The following IRX3 variants were observed in gnomAD, a reference collection of about 807,000 sequenced individuals.
IRX3 encodes iroquois-class homeodomain protein IRX-3.
In IRX3, 20 loss-of-function variants were observed where a neutral mutation model predicts 36.4. The observed-to-expected ratio is 0.55, with a 90% CI of 0.39 to 0.80. IRX3 has a LOEUF of 0.80. IRX3 is among the 30% of genes least tolerant of loss of function. The pLI, the probability that IRX3 is intolerant of heterozygous loss-of-function variation, is 0.00. For missense variants in IRX3, 718 were observed against 733.2 expected (o/e 0.98, Z 0.24); for synonymous variants, 404 against 351.6 (o/e 1.15, Z -1.67).
chr16:54,284,546 C>T lies in IRX3; in HGVS notation c.1335G>A (p.Pro445=), dbSNP rs377057907. 4.2e-5 allele frequency: 60 copies of T among 1,417,884 alleles called. No homozygotes were observed. The highest frequency in any genetic ancestry group is 5.0e-4 in the Middle Eastern group (2 of 3,996). The allele number at this position is 1,417,884 out of a possible 1,614,324, so 87.8% of individuals were successfully genotyped here. The change falls in exon 2 of 4, where the codon CCG becomes CCA. Residue 445 remains proline, a synonymous_variant. Transcript: ENST00000329734. The surrounding 1 kb of genome is among the most constrained non-coding windows in gnomAD (Gnocchi z 4.0). ...LLGLPGAAGH[P]AAAAAFARPA... ...GCCGAGCGAAGGCGGCGGCGGCAGC[C>T]GGGTGGCCCGCGGCTCCGGGAAGTC...
At position 54,285,092 on chromosome 16, in the gene IRX3, G is replaced by A. The variant is rs1328913261; in HGVS notation, c.789C>T (p.Ala263=). The change falls in exon 2 of 4, where the codon GCC becomes GCT. Residue 263 remains alanine (A), a synonymous_variant. Transcript: ENST00000329734. This position sits in a 1 kb window ranked among gnomAD's most constrained non-coding sequence, Gnocchi z 5.7. ...CAGCCAGGGACAGCTCAGGCTCGGT[G>A]GCCGCGCCGTCTAAGTTCTCCAAAT... ...EIDLENLDGA[A]TEPELSLAGA... The A allele has an allele frequency of 6.2e-7, 1 of 1,613,902 alleles. No homozygotes were observed. Among genetic ancestry groups the A allele is most frequent in the East Asian group, 2.2e-5 (1 of 44,826 alleles).
In IRX3 at chr16:54,285,863, G is replaced by A. The variant is rs566773503; in HGVS notation, c.188C>T (p.Ala63Val). The change falls in exon 1 of 4, where the codon GCG becomes GTG. Residue 63 changes from alanine (A) to valine (V), a missense_variant. Physicochemically the swap from Ala to Val is moderately conservative, Grantham distance 64. This residue lies in a region of IRX3 where 204 missense variants were observed against 181.4 expected (regional missense o/e 1.12). Coordinates refer to ENST00000329734, the MANE Select transcript of IRX3 (RefSeq NM_024336.3). The surrounding 1 kb of genome is among the most constrained non-coding windows in gnomAD (Gnocchi z 5.7). Reference sequence around the variant, plus strand: ...TTGGGCGGCGGCGGCCGCAGCGGCCGCGGCGTAGGGCGCCCCGTACACGGA... The same window carrying A: ...TTGGGCGGCGGCGGCCGCAGCGGCCACGGCGTAGGGCGCCCCGTACACGGA... ...LSSVYGAPYA[A>V]AAAAAAAQGY... is the part of the protein sequence containing the mutation. 5.2e-6 allele frequency: 8 copies of A among 1,540,966 alleles called. No homozygotes were observed. The highest frequency in any genetic ancestry group is 7.0e-6 in the Non-Finnish European group (8 of 1,145,660).
At position 54,283,953 on chromosome 16, in the gene IRX3, G is replaced by C. The variant is rs1901241697; in HGVS notation, c.1452-213C>G. On this transcript the variant is annotated intron_variant, in intron 3 of 3. Coordinates refer to ENST00000329734, the MANE Select transcript of IRX3 (RefSeq NM_024336.3). This position sits in a 1 kb window ranked among gnomAD's most constrained non-coding sequence, Gnocchi z 4.4. ...GGTCTGGGGCTGGAAAGAGGTGGGC[G>C]TCAGAGAACCGCCACCCGCCCCAGG... is the stretch of plus-strand genomic sequence containing the variant. The C allele has an allele frequency of 4.1e-6, 4 of 985,394 alleles. No homozygotes were observed. The highest frequency in any genetic ancestry group is 4.8e-6 in the Non-Finnish European group (4 of 829,902). The allele number at this position is 985,394 out of a possible 1,614,324, so 61.0% of individuals were successfully genotyped here.
In IRX3 at chr16:54,285,705, T is replaced by C; in HGVS notation, c.267+79A>G. On this transcript the variant is annotated intron_variant, in intron 1 of 3. Coordinates refer to ENST00000329734, the MANE Select transcript of IRX3 (RefSeq NM_024336.3). The surrounding 1 kb of genome is among the most constrained non-coding windows in gnomAD (Gnocchi z 5.7). ...CCTCCCCCCTCCTGGCCTGCACCCC[T>C]CTAGTCCGGCCCCCGCGCGCTCAGC... The C allele has an allele frequency of 6.8e-7, 1 of 1,462,902 alleles. No individual in the cohort carries two copies. Among genetic ancestry groups the C allele is most frequent in the Non-Finnish European group, 9.0e-7 (1 of 1,114,972 alleles). 90.6% of individuals were successfully genotyped at this position (1,462,902 alleles called of 1,614,324 possible).
chr16:54,284,309 C>G lies in IRX3; in HGVS notation c.1388G>C (p.Arg463Pro). 1.2e-6 allele frequency: 2 copies of G among 1,607,024 alleles called. No homozygotes were observed. Among genetic ancestry groups the G allele is most frequent in the Non-Finnish European group, 1.7e-6 (2 of 1,176,966 alleles). Reference protein sequence around the residue: ...RPAEPEGGTDRCSALEVEKKL... With the variant: ...RPAEPEGGTDPCSALEVEKKL... ...TTTCTCCACTTCCAAGGCACTACAGCGATCTAAGGGAAGCGGGGGAAGAAA... is the reference window on the plus strand; with the variant it reads ...TTTCTCCACTTCCAAGGCACTACAGGGATCTAAGGGAAGCGGGGGAAGAAA... Residue 463 changes from arginine (R) to proline (P), a missense_variant, in exon 3 of 4, where the codon CGC (arginine) becomes CCC (proline). Arg to Pro is a moderately radical substitution (Grantham distance 103). This residue lies in a region of IRX3 where 468 missense variants were observed against 462.1 expected (regional missense o/e 1.01). Transcript: ENST00000329734. The surrounding 1 kb of genome is among the most constrained non-coding windows in gnomAD (Gnocchi z 4.0).
In IRX3 at chr16:54,285,406, C is replaced by T; in HGVS notation, c.475G>A (p.Glu159Lys). 1 of 1,614,164 alleles carries T rather than the reference C, an allele frequency of 6.2e-7. No individual in the cohort carries two copies. Among genetic ancestry groups the T allele is most frequent in the Non-Finnish European group, 8.5e-7 (1 of 1,180,040 alleles). ...HRKNPYPTKG[E>K]KIMLAIITKM... is the part of the protein sequence containing the mutation. ...GTGATGATGGCCAGCATGATCTTCT[C>T]GCCCTTGGTGGGGTAGGGGTTCTTG... Residue 159 changes from glutamate (E) to lysine (K), a missense_variant, in exon 2 of 4, where the codon GAG becomes AAG. Physicochemically the swap from Glu to Lys is moderately conservative, Grantham distance 56 (BLOSUM62 1). This residue lies in a region of IRX3 where 46 missense variants were observed against 89.7 expected (regional missense o/e 0.51). Coordinates refer to ENST00000329734, the MANE Select transcript of IRX3 (RefSeq NM_024336.3). This position sits in a 1 kb window ranked among gnomAD's most constrained non-coding sequence, Gnocchi z 5.7.
rs767158835 is a variant in IRX3, at chr16:54,285,098, G to T, written c.783C>A (p.Gly261=). ...DEEIDLENLD[G]AATEPELSLA... ...GGGACAGCTCAGGCTCGGTGGCCGC[G>T]CCGTCTAAGTTCTCCAAATCGATCT... Residue 261 remains glycine (G), a synonymous_variant, in exon 2 of 4, where the codon GGC becomes GGA. Coordinates refer to ENST00000329734, the MANE Select transcript of IRX3 (RefSeq NM_024336.3). The surrounding 1 kb of genome is among the most constrained non-coding windows in gnomAD (Gnocchi z 5.7). 2.5e-6 allele frequency: 4 copies of T among 1,613,350 alleles called. No homozygotes were observed. Among genetic ancestry groups the T allele is most frequent in the Non-Finnish European group, 3.4e-6 (4 of 1,179,884 alleles).
chr16:54,285,657 C>A lies in IRX3; in HGVS notation c.268-44G>T, dbSNP rs1246660112. 6.8e-7 allele frequency: 1 copy of A among 1,474,470 alleles called. No individual in the cohort carries two copies. The highest frequency in any genetic ancestry group is 2.5e-5 in the East Asian group (1 of 40,484). 91.3% of individuals were successfully genotyped at this position (1,474,470 alleles called of 1,614,324 possible). A position where few individuals can be genotyped will look rare whatever the true frequency, so the allele number is the denominator to read the frequency against. ...GGAAGGGACACGCGCGGAGGGAGCG[C>A]GAGTGAGCCCCAGCCATCGCTGCCT... On this transcript the variant is annotated intron_variant, in intron 1 of 3. Coordinates refer to ENST00000329734, the MANE Select transcript of IRX3 (RefSeq NM_024336.3). The surrounding 1 kb of genome is among the most constrained non-coding windows in gnomAD (Gnocchi z 5.7).
Position 54,284,431 on chromosome 16 carries a change from T to A in IRX3, c.1384+66A>T. The A allele has an allele frequency of 2.8e-6, 4 of 1,412,432 alleles. No homozygotes were observed. The highest frequency in any genetic ancestry group is 3.7e-6 in the Non-Finnish European group (4 of 1,091,212). The allele number at this position is 1,412,432 out of a possible 1,614,324, so 87.5% of individuals were successfully genotyped here. On this transcript the variant is annotated intron_variant, in intron 2 of 3. Coordinates refer to ENST00000329734, the MANE Select transcript of IRX3 (RefSeq NM_024336.3). This position sits in a 1 kb window ranked among gnomAD's most constrained non-coding sequence, Gnocchi z 4.0. ...CCCTGCGCCCCCCGGGCCCTGCCCC[T>A]CCCGGCCAGCTCCGGCACTACCCGC...
Position 54,285,821 on chromosome 16 carries a change from A to T in IRX3, c.230T>A (p.Leu77Gln), listed in dbSNP as rs1186456452. ...GATGGGCAGCTCCGCGGCGTAGGGC[A>T]GGAAGGCGCCGTAGCCTTGGGCGGC... ...AAAAQGYGAF[L>Q]PYAAELPIFP... The change falls in exon 1 of 4, where the codon CTG becomes CAG. Residue 77 changes from leucine to glutamine, a missense_variant. Leu to Gln is a moderately radical substitution (Grantham distance 113, BLOSUM62 -2). This residue lies in a region of IRX3 where 204 missense variants were observed against 181.4 expected (regional missense o/e 1.12). Transcript: ENST00000329734. The surrounding 1 kb of genome is among the most constrained non-coding windows in gnomAD (Gnocchi z 5.7). The T allele has an allele frequency of 1.1e-5, 17 of 1,565,708 alleles. No individual in the cohort carries two copies. Among genetic ancestry groups the T allele is most frequent in the Non-Finnish European group, 1.4e-5 (16 of 1,160,868 alleles).
chr16:54,285,167 C>G lies in IRX3; in HGVS notation c.714G>C (p.Glu238Asp), dbSNP rs1901293345. The G allele has an allele frequency of 4.4e-6, 7 of 1,603,248 alleles. No homozygotes were observed. Among genetic ancestry groups the G allele is most frequent in the Non-Finnish European group, 6.0e-6 (7 of 1,174,652 alleles). ...CAGCCAGGCCCTCGCCCCCCGTGTC[C>G]TCCTCCTCCCCCCCGAGCTCCTCCT... ...LEEEELGGEE[E>D]DTGGEGLADD... The change falls in exon 2 of 4, where the codon GAG becomes GAC. Residue 238 changes from glutamate to aspartate, a missense_variant. By Grantham distance (45) the Glu-to-Asp change is conservative. Coordinates refer to ENST00000329734, the MANE Select transcript of IRX3 (RefSeq NM_024336.3). The surrounding 1 kb of genome is among the most constrained non-coding windows in gnomAD (Gnocchi z 5.7).
Position 54,284,113 on chromosome 16 carries a change from C to T in IRX3, c.1451+133G>A. On this transcript the variant is annotated intron_variant, in intron 3 of 3. Transcript: ENST00000329734. The surrounding 1 kb of genome is among the most constrained non-coding windows in gnomAD (Gnocchi z 4.0). ...CAGGGGCGACTGAAAAAGTGACTTT[C>T]GTCCCCTTTTACAAAATGCGTCCCA... 8.8e-7 allele frequency: 1 copy of T among 1,141,234 alleles called. No homozygotes were observed. Among genetic ancestry groups the T allele is most frequent in the Non-Finnish European group, 1.2e-6 (1 of 813,114 alleles). The allele number at this position is 1,141,234 out of a possible 1,614,324, so 70.7% of individuals were successfully genotyped here.
chr16:54,286,234 G>T lies in IRX3; in HGVS notation c.-184C>A. 9.9e-7 allele frequency: 1 copy of T among 1,013,154 alleles called. No homozygotes were observed. Among genetic ancestry groups the T allele is most frequent in the South Asian group, 4.5e-5 (1 of 22,150 alleles). 62.8% of individuals were successfully genotyped at this position (1,013,154 alleles called of 1,614,324 possible). A position where few individuals can be genotyped will look rare whatever the true frequency, so the allele number is the denominator to read the frequency against. ...CCGCGGCGGCGACGGCGGCGGCGAG[G>T]GCGGCGGCGAGGAGCCAGGTCAGGT... On this transcript the variant is annotated 5_prime_UTR_variant, in exon 1 of 4. Transcript: ENST00000329734.
Position 54,285,253 on chromosome 16 carries a change from G to C in IRX3, c.628C>G (p.Arg210Gly). The C allele has an allele frequency of 1.9e-6, 3 of 1,613,142 alleles. No homozygotes were observed. Among genetic ancestry groups the C allele is most frequent in the Non-Finnish European group, 2.5e-6 (3 of 1,179,810 alleles). Residue 210 changes from arginine (R) to glycine (G), a missense_variant, in exon 2 of 4, where the codon CGC (arginine) becomes GGC (glycine). Coordinates refer to ENST00000329734, the MANE Select transcript of IRX3 (RefSeq NM_024336.3). This position sits in a 1 kb window ranked among gnomAD's most constrained non-coding sequence, Gnocchi z 5.7. ...DEEGNAYGSE[R>G]EEEDEEEDEE... ...TCCTCCTCTTCGTCTTCCTCCTCGC[G>C]CTCGCTCCCATAAGCGTTTCCCTCC...
In IRX3 at chr16:54,285,759, CTT is replaced by C. The variant is rs1901316413; in HGVS notation, c.267+23_267+24del. On this transcript the variant is annotated intron_variant, in intron 1 of 3. Coordinates refer to ENST00000329734, the MANE Select transcript of IRX3 (RefSeq NM_024336.3). The surrounding 1 kb of genome is among the most constrained non-coding windows in gnomAD (Gnocchi z 5.7). ...CCCTGCGCCCCAGCGCCAACCCCTC[CTT>C]CCCTGGCTCCGCGGGCTCTTACCAG... The C allele has an allele frequency of 6.6e-6, 10 of 1,514,998 alleles. No homozygotes were observed. Among genetic ancestry groups the C allele is most frequent in the Non-Finnish European group, 8.8e-6 (10 of 1,140,660 alleles). 93.8% of individuals were successfully genotyped at this position (1,514,998 alleles called of 1,614,324 possible). A position where few individuals can be genotyped will look rare whatever the true frequency, so the allele number is the denominator to read the frequency against.
chr16:54,285,176 C>A lies in IRX3; in HGVS notation c.705G>T (p.Gly235=), dbSNP rs1214626995. ...ELELEEEELG[G]EEEDTGGEGL... ...CCTCGCCCCCCGTGTCCTCCTCCTC[C>A]CCCCCGAGCTCCTCCTCCTCCAGCT... The change falls in exon 2 of 4, where the codon GGG becomes GGT. Residue 235 remains glycine, a synonymous_variant. Coordinates refer to ENST00000329734, the MANE Select transcript of IRX3 (RefSeq NM_024336.3). This position sits in a 1 kb window ranked among gnomAD's most constrained non-coding sequence, Gnocchi z 5.7. 1.2e-6 allele frequency: 2 copies of A among 1,603,006 alleles called. No homozygotes were observed. Among genetic ancestry groups the A allele is most frequent in the Non-Finnish European group, 1.7e-6 (2 of 1,174,658 alleles).
chr16:54,285,175 C>G lies in IRX3; in HGVS notation c.706G>C (p.Glu236Gln), dbSNP rs945355385. The G allele has an allele frequency of 2.5e-6, 4 of 1,597,666 alleles. No individual in the cohort carries two copies. The highest frequency in any genetic ancestry group is 2.6e-6 in the Non-Finnish European group (3 of 1,171,072). ...CCCTCGCCCCCCGTGTCCTCCTCCT[C>G]CCCCCCGAGCTCCTCCTCCTCCAGC... is the stretch of plus-strand genomic sequence containing the variant. ...LELEEEELGGEEEDTGGEGLA... is the reference protein window; with the variant it reads ...LELEEEELGGQEEDTGGEGLA... Residue 236 changes from glutamate to glutamine, a missense_variant, in exon 2 of 4, where the codon GAG becomes CAG. Glu to Gln is a conservative substitution (Grantham distance 29). Around this residue, in one of 3 missense-constraint regions of IRX3, gnomAD observed 468 missense variants for 462.1 expected, o/e 1.01. Coordinates refer to ENST00000329734, the MANE Select transcript of IRX3 (RefSeq NM_024336.3). The surrounding 1 kb of genome is among the most constrained non-coding windows in gnomAD (Gnocchi z 5.7).
At position 54,283,304 on chromosome 16, in the gene IRX3, T is replaced by C. The variant is rs959288367; in HGVS notation, c.*382A>G. The C allele has an allele frequency of 6.2e-6, 1 of 161,206 alleles. No homozygotes were observed. The highest frequency in any genetic ancestry group is 1.4e-5 in the Non-Finnish European group (1 of 73,510). 10.0% of individuals were successfully genotyped at this position (161,206 alleles called of 1,614,324 possible). A position where few individuals can be genotyped will look rare whatever the true frequency, so the allele number is the denominator to read the frequency against. The stretch of plus-strand genomic sequence containing the variant: ...TCCGTCGAGGGGGCAGACAGGCGGG[T>C]TATAGTCAAAGTGGCAGCAGCTCAT... On this transcript the variant is annotated 3_prime_UTR_variant, in exon 4 of 4. Coordinates refer to ENST00000329734, the MANE Select transcript of IRX3 (RefSeq NM_024336.3). The surrounding 1 kb of genome is among the most constrained non-coding windows in gnomAD (Gnocchi z 4.4).
chr16:54,285,458 C>T lies in IRX3; in HGVS notation c.423G>A (p.Thr141=), dbSNP rs746728367. The change falls in exon 2 of 4, where the codon ACG becomes ACA. Residue 141 remains threonine, a synonymous_variant. Coordinates refer to ENST00000329734, the MANE Select transcript of IRX3 (RefSeq NM_024336.3). This position sits in a 1 kb window ranked among gnomAD's most constrained non-coding sequence, Gnocchi z 5.7. ...PKNATRESTS[T]LKAWLNEHRK... is the part of the protein sequence containing the mutation. ...GGTGCTCGTTGAGCCAGGCCTTCAG[C>T]GTGCTGGTGCTCTCCCTGGTGGCGT... 1.9e-6 allele frequency: 3 copies of T among 1,614,154 alleles called. No individual in the cohort carries two copies. Among genetic ancestry groups the T allele is most frequent in the Non-Finnish European group, 2.5e-6 (3 of 1,180,036 alleles).
Sources: gnomAD v4.1 joint callset for allele counts on GRCh38, gnomAD v4.1.1 for gene constraint, gnomAD v4.1.1 regional missense constraint, Gnocchi (gnomAD v3.1) non-coding constraint, MANE v1.5 for transcripts, NCBI Gene and HGNC (gene_info 2026-07-23, HGNC 2026-07-21) for gene names.